ANKS1B: variants seen among roughly 807,000 people sequenced by gnomAD.
The protein encoded by ANKS1B is ankyrin repeat and sterile alpha motif domain-containing protein 1B.
A neutral mutation model predicts 148.3 loss-of-function variants in ANKS1B; 36 were observed. The ratio of observed to expected loss-of-function variants is 0.24; its 90% CI spans 0.19 to 0.32. The LOEUF is 0.32. ANKS1B is among the 10% of genes least tolerant of loss of function. The probability of loss-of-function intolerance (pLI) is 1.00; values close to 1 mark genes in which losing one functional copy is unlikely to be tolerated. For missense variants in ANKS1B, 1,157 were observed against 1,542.6 expected, an observed-to-expected ratio of 0.75 and a Z score of 4.19; for synonymous variants, 542 against 560.8, an observed-to-expected ratio of 0.97 and a Z score of 0.47.
intron 11 of ANKS1B, among the ~76,000 whole-genome samples, chr12:99,409,750 TA>T (rs71436954): frequency 0.11 from 16,069 of 152,064 alleles, 1,331 homozygotes; most frequent in East Asian, 0.44. Flanking sequence ...AAAATGGAGA[TA>T]AAAAAGAATA....
chr12:99,145,857 C>G (rs964283535), intron 15 of ANKS1B, among the ~76,000 whole-genome samples: 2 of 151,958 alleles, frequency 1.3e-5, no homozygotes, highest in African/African-American at 4.8e-5. Context: ...TTTTTTTAAC[C>G]TTGTTGAGTT....
chr12:99,409,970 T>A (rs966412117), intron 11 of ANKS1B, among the ~76,000 whole-genome samples: 5 of 152,218 alleles, frequency 3.3e-5, no homozygotes, highest in Admixed American at 2.6e-4. Flanking sequence ...CCCTCCACTG[T>A]GGTCCAGTCC....
At chr12:99,422,804 G>C (rs1030934970) in intron 11 of ANKS1B, among the ~76,000 whole-genome samples, 1 of 152,086 alleles carries the variant, frequency 6.6e-6, no homozygotes, top group Admixed American at 6.6e-5. Flanking sequence ...ATGGAAATGA[G>C]GTGGTAAAAA....
At chr12:98,786,097 A>G (rs767655444) in intron 22 of ANKS1B, among the ~76,000 whole-genome samples, 3 of 152,156 alleles carry the variant, frequency 2.0e-5, no homozygotes, top group Non-Finnish European at 4.4e-5. Context: ...TAAGGCTCCA[A>G]ATTATTTTAA....
At chr12:99,481,516 T>C (rs1012735442) in intron 10 of ANKS1B, among the ~76,000 whole-genome samples, 32 of 151,984 alleles carry the variant, frequency 2.1e-4, no homozygotes, top group African/African-American at 7.5e-4. Flanking sequence ...TGTGCCAGTA[T>C]CTTTTTCATA....
chr12:99,981,744 C>A (rs2095705298), intron 1 of ANKS1B, among the ~76,000 whole-genome samples: 1 of 152,040 alleles, frequency 6.6e-6, no homozygotes, highest in Admixed American at 6.5e-5. Flanking sequence ...AAGGCTGACA[C>A]AAGAATTGAA....
At chr12:99,776,785 T>G (rs2063694052) in intron 6 of ANKS1B, among the ~76,000 whole-genome samples, 1 of 152,124 alleles carries the variant, frequency 6.6e-6, no homozygotes, top group African/African-American at 2.4e-5. Flanking sequence ...GTTCAAATAA[T>G]TCTCCTGCCT....
In ANKS1B at chr12:99,604,815, CAA is replaced by C. The variant is rs150262116; in HGVS notation, c.1272+50250_1272+50251del. Among the ~76,000 whole-genome samples, 386 of 81,056 alleles carry C rather than the reference CAA, an allele frequency of 4.8e-3. 2 individuals carry two copies. Among genetic ancestry groups the C allele is most frequent in the African/African-American group, 0.015 (341 of 22,836 alleles). 53.2% of individuals were successfully genotyped at this position (81,056 alleles called of 152,430 possible). A position where few individuals can be genotyped will look rare whatever the true frequency, so the allele number is the denominator to read the frequency against. ...GGGCGACAAGGGCAAAACTCTATCT[CAA>C]AAAAAAAAAAAAAAAGAAAAGAAAA... On this transcript the variant is annotated intron_variant, in intron 9 of 26. Transcript: ENST00000683438.
chr12:99,703,903 T>A (rs558144230), intron 8 of ANKS1B, among the ~76,000 whole-genome samples: 1 of 152,136 alleles, frequency 6.6e-6, no homozygotes, highest in Non-Finnish European at 1.5e-5. Context: ...TCAGGTATCA[T>A]GTACCTATTA....
chr12:99,273,248 G>A (rs1357448508), intron 12 of ANKS1B, among the ~76,000 whole-genome samples: 1 of 152,106 alleles, frequency 6.6e-6, no homozygotes. Context: ...GTTCATAAAA[G>A]CTCAGGGGCC....
chr12:98,910,944 G>A (rs1019054007), intron 17 of ANKS1B, among the ~76,000 whole-genome samples: 9 of 152,146 alleles, frequency 5.9e-5, no homozygotes, highest in African/African-American at 2.2e-4. Context: ...ATAGAAAATG[G>A]CAAGGCAGGA....
Position 99,897,396 on chromosome 12 carries a change from G to C in ANKS1B, c.135-72007C>G. 1.3e-5 allele frequency among the ~76,000 whole-genome samples: 2 copies of C among 151,092 alleles called. 1 individual carries two copies. Among genetic ancestry groups the C allele is most frequent in the Non-Finnish European group, 3.0e-5 (2 of 67,504 alleles). ...TGTATCTCTCAAATGCATCATACTA[G>C]CAAATTTGAGCAATGTTTTTCACAT... On this transcript the variant is annotated intron_variant, in intron 1 of 26. Coordinates refer to ENST00000683438, the MANE Select transcript of ANKS1B (RefSeq NM_001352186.2).
intron 15 of ANKS1B, among the ~76,000 whole-genome samples, chr12:99,153,574 A>C (rs1209103985): frequency 6.6e-6 from 1 of 152,292 alleles, no homozygotes; most frequent in East Asian, 1.9e-4. Context: ...AAAACGGTGG[A>C]AAGTTAGCAC....
chr12:99,582,962 T>G (rs1161686704), intron 9 of ANKS1B, among the ~76,000 whole-genome samples: 1 of 152,180 alleles, frequency 6.6e-6, no homozygotes, highest in Non-Finnish European at 1.5e-5. Context: ...TGTCCCCCTT[T>G]GGTGTACTTA....
chr12:99,062,546 G>A (rs146333012), intron 16 of ANKS1B, among the ~76,000 whole-genome samples: 6 of 152,280 alleles, frequency 3.9e-5, no homozygotes, highest in Non-Finnish European at 7.4e-5. Flanking sequence ...GGTCAGCAGT[G>A]AGGGGATGCT....
At chr12:99,666,893 T>G (rs977968849) in intron 8 of ANKS1B, among the ~76,000 whole-genome samples, 1 of 145,026 alleles carries the variant, frequency 6.9e-6, no homozygotes, top group African/African-American at 2.6e-5. Context: ...TGTGTGTGTG[T>G]GTGGTGAGGA....
intron 1 of ANKS1B, among the ~76,000 whole-genome samples, chr12:99,935,586 C>A (rs1056454385): frequency 1.3e-5 from 2 of 152,078 alleles, no homozygotes; most frequent in Non-Finnish European, 2.9e-5. Flanking sequence ...CAGACACTCA[C>A]CCATTTTCTT....
At chr12:99,119,393 C>T (rs2062172749) in intron 15 of ANKS1B, among the ~76,000 whole-genome samples, 1 of 152,194 alleles carries the variant, frequency 6.6e-6, no homozygotes, top group African/African-American at 2.4e-5. Flanking sequence ...TTTTGAATTC[C>T]TGTTCTCCAA....
chr12:99,910,545 G>A (rs1454800041), intron 1 of ANKS1B, among the ~76,000 whole-genome samples: 1 of 152,074 alleles, frequency 6.6e-6, no homozygotes, highest in Non-Finnish European at 1.5e-5. Flanking sequence ...GTCTACACTG[G>A]GGAGATGGGA....
Sources: gnomAD v4.1 joint callset for allele counts (sites outside exome capture counted in the v4.1 genomes callset) on GRCh38, gnomAD v4.1.1 for gene constraint, MANE v1.5 for transcripts, NCBI Gene and HGNC (gene_info 2026-07-23, HGNC 2026-07-21) for gene names.